The following ZFAT variants were observed in gnomAD, a reference collection of about 807,000 sequenced individuals.
ZFAT encodes zinc finger and AT-hook domain containing, also known as zinc finger protein ZFAT.
ZFAT carries 64 observed loss-of-function variants against 117.7 expected under a neutral mutation model. That is an observed-to-expected ratio of 0.54 (90% CI 0.44 to 0.67). The LOEUF (loss-of-function observed/expected upper bound fraction) is 0.67, where lower values mean the gene tolerates loss of function less well. Ranked by LOEUF, ZFAT falls within the 30% of genes least tolerant of loss-of-function variation. The probability of loss-of-function intolerance (pLI) is 0.00; values close to 1 mark genes in which losing one functional copy is unlikely to be tolerated. For synonymous variants in ZFAT, 679 were observed against 615.0 expected, an observed-to-expected ratio of 1.10 and a Z score of -1.54; for missense variants, 1,433 against 1,584.5, an observed-to-expected ratio of 0.90 and a Z score of 1.62.
At chr8:134,650,127 CTT>C (rs746564611) in intron 2 of ZFAT, among the ~76,000 whole-genome samples, 6 of 143,822 alleles carry the variant, frequency 4.2e-5, no homozygotes, top group Non-Finnish European at 6.1e-5. Flanking sequence ...TATTTTTTTT[CTT>C]TTTTTTTTTT....
At chr8:134,724,379 G>A in the ZFAT span, among the ~76,000 whole-genome samples, 5 of 152,168 alleles carry the variant, frequency 3.3e-5, no homozygotes, top group African/African-American at 1.2e-4. Flanking sequence ...TAATCAGAAA[G>A]AACGCATGCC....
intron 1 of ZFAT, among the ~76,000 whole-genome samples, chr8:134,694,902 C>T (rs544589001): frequency 1.2e-4 from 19 of 152,114 alleles, no homozygotes; most frequent in Non-Finnish European, 2.5e-4. Flanking sequence ...CTAAATGTTG[C>T]CTCATTATAT....
At chr8:134,818,366 C>T in the ZFAT span, among the ~76,000 whole-genome samples, 2 of 152,052 alleles carry the variant, frequency 1.3e-5, no homozygotes, top group African/African-American at 4.8e-5. Flanking sequence ...TAAACATATG[C>T]AAGGATGCTA....
intron 3 of ZFAT, among the ~76,000 whole-genome samples, chr8:134,625,898 C>G (rs1829464431): frequency 6.6e-6 from 1 of 152,248 alleles, no homozygotes; most frequent in South Asian, 2.1e-4. Context: ...CTACATCACA[C>G]TGGATCAATC....
At chr8:134,527,937 T>C (rs1821140212) in intron 12 of ZFAT, among the ~76,000 whole-genome samples, 1 of 152,146 alleles carries the variant, frequency 6.6e-6, no homozygotes, top group Non-Finnish European at 1.5e-5. Flanking sequence ...GAAATAGGTT[T>C]CAGAGTCAGT....
chr8:134,623,093 G>A (rs1075858), intron 3 of ZFAT, among the ~76,000 whole-genome samples: 3 of 151,724 alleles, frequency 2.0e-5, no homozygotes, highest in African/African-American at 4.8e-5. Context: ...ATGACTCCTC[G>A]CTCCATTCCC....
chr8:134,773,461 T>A, the ZFAT span, among the ~76,000 whole-genome samples: 1 of 152,238 alleles, frequency 6.6e-6, no homozygotes, highest in Admixed American at 6.5e-5. Flanking sequence ...ACACATCCAC[T>A]GTGCAGCCCA....
chr8:134,806,449 C>G, the ZFAT span, among the ~76,000 whole-genome samples: 2 of 152,172 alleles, frequency 1.3e-5, no homozygotes, highest in Non-Finnish European at 2.9e-5. Context: ...ACAACAACAA[C>G]TATTCAAACT....
At chr8:134,738,547 A>G in the ZFAT span, among the ~76,000 whole-genome samples, 1 of 152,220 alleles carries the variant, frequency 6.6e-6, no homozygotes, top group Non-Finnish European at 1.5e-5. Flanking sequence ...AGACTCTAAA[A>G]GGGGAGGTTG....
At chr8:134,512,825 C>A (rs1257716047) in intron 13 of ZFAT, among the ~76,000 whole-genome samples, 1 of 152,180 alleles carries the variant, frequency 6.6e-6, no homozygotes, top group Non-Finnish European at 1.5e-5. Flanking sequence ...TGGTAAAAAG[C>A]CCCTGCTGTA....
chr8:134,772,006 GA>G, the ZFAT span, among the ~76,000 whole-genome samples: 1 of 152,122 alleles, frequency 6.6e-6, no homozygotes, highest in African/African-American at 2.4e-5. Flanking sequence ...ATAGCATGGG[GA>G]GAACCTGCCA....
chr8:134,565,413 A>C lies in ZFAT; in HGVS notation c.2896T>G (p.Phe966Val), dbSNP rs1824371318. Residue 966 changes from phenylalanine to valine, a missense_variant, in exon 11 of 16, where the codon TTT becomes GTT. Transcript: ENST00000377838. ...KLLHTADGKQ[F>V]KCTVCDYTAA... ...GTGTAGTCACACACCGTGCACTTAA[A>C]CTGCTTCCCTGGAAAGAAGCGGAGG... 1 of 1,612,700 alleles carries C rather than the reference A, an allele frequency of 6.2e-7. No individual in the cohort carries two copies. The highest frequency in any genetic ancestry group is 8.5e-7 in the Non-Finnish European group (1 of 1,179,592).
intron 1 of ZFAT, among the ~76,000 whole-genome samples, chr8:134,691,018 A>G (rs1833557788): frequency 6.6e-6 from 1 of 152,226 alleles, no homozygotes; most frequent in Non-Finnish European, 1.5e-5. Flanking sequence ...CTAGTTTTGT[A>G]GACTCTTGCT....
At position 134,478,782 on chromosome 8, in the gene ZFAT, C is replaced by T. The variant is rs1586542978; in HGVS notation, c.3493-61G>A. On this transcript the variant is annotated intron_variant, in intron 15 of 15. Transcript: ENST00000377838. This position sits in a 1 kb window ranked among gnomAD's most constrained non-coding sequence, Gnocchi z 5.2. ...CCTACTTCCCGGTCCAGCGTAACAACAAAGTCACAACTACAGTTTAGGAGG... is the reference window on the plus strand; with the variant it reads ...CCTACTTCCCGGTCCAGCGTAACAATAAAGTCACAACTACAGTTTAGGAGG... 1.1e-5 allele frequency: 16 copies of T among 1,517,188 alleles called. No homozygotes were observed. The highest frequency in any genetic ancestry group is 1.3e-5 in the Non-Finnish European group (15 of 1,132,084). The allele number at this position is 1,517,188 out of a possible 1,614,324, so 94.0% of individuals were successfully genotyped here. A position where few individuals can be genotyped will look rare whatever the true frequency, so the allele number is the denominator to read the frequency against.
At chr8:134,826,729 TTAAGA>T in the ZFAT span, among the ~76,000 whole-genome samples, 5 of 152,248 alleles carry the variant, frequency 3.3e-5, no homozygotes, top group African/African-American at 9.6e-5. Context: ...GTTCATAAAC[TTAAGA>T]TAAATTTATA....
At chr8:134,587,894 C>T (rs527986301) in intron 9 of ZFAT, among the ~76,000 whole-genome samples, 2 of 152,276 alleles carry the variant, frequency 1.3e-5, no homozygotes, top group East Asian at 3.9e-4. Flanking sequence ...TCTGGAAAAC[C>T]TGCTATGCAC....
At chr8:134,701,279 C>T (rs1408405775) in intron 1 of ZFAT, among the ~76,000 whole-genome samples, 1 of 152,176 alleles carries the variant, frequency 6.6e-6, no homozygotes, top group Non-Finnish European at 1.5e-5. Flanking sequence ...TGGTAATTGT[C>T]TTTTTGTGAC....
At chr8:134,634,173 C>T (rs960880428) in intron 3 of ZFAT, among the ~76,000 whole-genome samples, 19 of 152,134 alleles carry the variant, frequency 1.2e-4, no homozygotes, top group Admixed American at 5.2e-4. Flanking sequence ...CATAAAAAAG[C>T]GCTAGAAAAC....
At chr8:134,583,778 C>A in intron 10 of ZFAT, 54 bp downstream of exon 10, 3 of 1,585,192 alleles carry the variant, frequency 1.9e-6, no homozygotes, top group Non-Finnish European at 2.6e-6. Context: ...ACTGGAACAT[C>A]AGCTTCAAAC....
Sources: gnomAD v4.1 joint callset for allele counts (sites outside exome capture counted in the v4.1 genomes callset) on GRCh38, gnomAD v4.1.1 for gene constraint, Gnocchi (gnomAD v3.1) non-coding constraint, MANE v1.5 for transcripts, NCBI Gene and HGNC (gene_info 2026-07-23, HGNC 2026-07-21) for gene names.